The following EPM2A variants were observed in gnomAD, a reference collection of about 807,000 sequenced individuals.
The protein encoded by EPM2A is EPM2A glucan phosphatase, laforin.
In EPM2A, 21 loss-of-function variants were observed where a neutral mutation model predicts 26.5. That is an observed-to-expected ratio of 0.79 (90% CI 0.56 to 1.14). The LOEUF (loss-of-function observed/expected upper bound fraction) is 1.14. Ranked by LOEUF, EPM2A falls within the 50% of genes most tolerant of loss-of-function variation. The probability of loss-of-function intolerance (pLI) is 0.00; values close to 1 mark genes in which losing one functional copy is unlikely to be tolerated. For synonymous variants in EPM2A, 217 were observed against 177.6 expected (o/e 1.22, Z -1.76); for missense variants, 458 against 440.8 (o/e 1.04, Z -0.35).
intron 2 of EPM2A, among the ~76,000 whole-genome samples, chr6:145,513,421 G>C (rs187291259): frequency 9.8e-4 from 149 of 152,276 alleles, no homozygotes; most frequent in African/African-American, 3.4e-3. Flanking sequence ...TGAATGCAGA[G>C]AAAAGGGAAT....
At chr6:145,442,878 T>G (rs1487957152) in intron 4 of EPM2A, among the ~76,000 whole-genome samples, 1 of 142,566 alleles carries the variant, frequency 7.0e-6, no homozygotes, top group Non-Finnish European at 1.6e-5. Context: ...TTTTTTTTTT[T>G]GAGATGGTGT....
intron 4 of EPM2A, among the ~76,000 whole-genome samples, chr6:145,460,733 G>A (rs1388180260): frequency 6.6e-6 from 1 of 152,124 alleles, no homozygotes; most frequent in Non-Finnish European, 1.5e-5. Flanking sequence ...TGATTAGAAT[G>A]TTAGGATACA....
At chr6:145,688,622 A>G (rs1045158632) in intron 1 of EPM2A, among the ~76,000 whole-genome samples, 7 of 152,200 alleles carry the variant, frequency 4.6e-5, no homozygotes, top group African/African-American at 1.7e-4. Flanking sequence ...ATATATGAGT[A>G]ATTTGAGTGT....
chr6:145,681,828 A>G lies in EPM2A; in HGVS notation c.476+4294T>C, dbSNP rs117836774. 4.1e-3 allele frequency among the ~76,000 whole-genome samples: 628 copies of G among 152,296 alleles called. 18 individuals carry two copies. In the East Asian group the frequency reaches 0.07, roughly 17 times the overall value. ...ATGCATCTGAATATTGAGAAGTACC[A>G]GAATGTTCTCTTTTACATGACATGT... On this transcript the variant is annotated intron_variant, in intron 2 of 3. Transcript: ENST00000367519.
chr6:145,709,048 G>A (rs1782388475), intron 1 of EPM2A, among the ~76,000 whole-genome samples: 1 of 152,146 alleles, frequency 6.6e-6, no homozygotes, highest in African/African-American at 2.4e-5. Context: ...CTCCCATTTT[G>A]GACTGGTGTA....
rs1032929168 is a variant in EPM2A at position 145,449,931 on chromosome 6, TA to T, written c.555+52590del. ...TATATGAACAAAGACAATGGATATA[TA>T]AAAAGGAACTCAATTCCATAGTAAT... On this transcript the variant is annotated intron_variant, in intron 4 of 4. Coordinates refer to the EPM2A transcript ENST00000638717. Among the ~76,000 whole-genome samples the T allele has an allele frequency of 4.9e-4, 75 of 152,104 alleles. 1 individual carries two copies. The highest frequency in any genetic ancestry group is 1.7e-3 in the African/African-American group (71 of 41,520).
At chr6:145,682,019 C>G (rs1039516447) in intron 2 of EPM2A, among the ~76,000 whole-genome samples, 3 of 152,138 alleles carry the variant, frequency 2.0e-5, no homozygotes, top group African/African-American at 7.2e-5. Context: ...TATATGTACA[C>G]TTGCTATTTG....
chr6:145,409,591 A>T (rs1582733173), intron 4 of EPM2A, among the ~76,000 whole-genome samples: 1 of 152,292 alleles, frequency 6.6e-6, no homozygotes, highest in East Asian at 1.9e-4. Flanking sequence ...TTTTCTATTA[A>T]TTATTTAAAG....
chr6:145,564,823 C>T (rs570768222), intron 2 of EPM2A, among the ~76,000 whole-genome samples: 1 of 151,912 alleles, frequency 6.6e-6, no homozygotes, highest in South Asian at 2.1e-4. Flanking sequence ...GTAGTAGACA[C>T]TGACATAAAC....
chr6:145,568,017 T>C (rs538243944), intron 2 of EPM2A, among the ~76,000 whole-genome samples: 66 of 152,202 alleles, frequency 4.3e-4, no homozygotes, highest in Non-Finnish European at 9.0e-4. Flanking sequence ...TTCATCCTCA[T>C]ATCTCCAGAC....
At chr6:145,599,778 G>T (rs933153970) in intron 2 of EPM2A, among the ~76,000 whole-genome samples, 1 of 151,868 alleles carries the variant, frequency 6.6e-6, no homozygotes, top group African/African-American at 2.4e-5. Flanking sequence ...AATTGAGTGG[G>T]TAAATTTCTT....
chr6:145,626,061 G>T lies in EPM2A; in HGVS notation c.*1355C>A, dbSNP rs1775789919. 16 of 1,130,274 alleles carry T rather than the reference G, an allele frequency of 1.4e-5. No individual in the cohort carries two copies. The South Asian group carries it at 4.6e-4, about 32-fold the overall frequency. The allele number at this position is 1,130,274 out of a possible 1,614,324, so 70.0% of individuals were successfully genotyped here. Reference sequence around the variant, plus strand: ...GGAGATAATGAGACCTTCTTCATTGGATATTGTGAAGATTAAACTGGATAT... The same window carrying T: ...GGAGATAATGAGACCTTCTTCATTGTATATTGTGAAGATTAAACTGGATAT... On this transcript the variant is annotated 3_prime_UTR_variant, in exon 4 of 4. Coordinates refer to ENST00000367519, the MANE Select transcript of EPM2A (RefSeq NM_005670.4).
intron 2 of EPM2A, among the ~76,000 whole-genome samples, chr6:145,612,746 GTATATATGTATTTTATATA>G (rs1775419526): frequency 6.8e-6 from 1 of 147,126 alleles, no homozygotes; most frequent in Admixed American, 6.8e-5. Flanking sequence ...TTATATATAG[GTATATATGTATTTTATATA>G]TATATATATA....
intron 2 of EPM2A, among the ~76,000 whole-genome samples, chr6:145,679,570 A>C (rs1363037584): frequency 6.6e-6 from 1 of 152,136 alleles, no homozygotes; most frequent in East Asian, 1.9e-4. Flanking sequence ...AAATAATTGA[A>C]GAAATTTACT....
intron 2 of EPM2A, among the ~76,000 whole-genome samples, chr6:145,543,215 T>C (rs1015271163): frequency 2.6e-5 from 4 of 152,234 alleles, no homozygotes; most frequent in African/African-American, 9.6e-5. Context: ...GATGCTCTTT[T>C]TTTTTCTTAA....
chr6:145,663,117 GT>G (rs1481356639), intron 2 of EPM2A, among the ~76,000 whole-genome samples: 4 of 152,288 alleles, frequency 2.6e-5, no homozygotes, highest in African/African-American at 7.2e-5. Context: ...ACTCTGCACT[GT>G]AAAATCCTCT....
intron 2 of EPM2A, among the ~76,000 whole-genome samples, chr6:145,520,214 A>T: frequency 6.6e-6 from 1 of 152,280 alleles, no homozygotes; most frequent in Non-Finnish European, 1.5e-5. Flanking sequence ...ATCTTAAAAT[A>T]TCACTGTACT....
Position 145,626,526 on chromosome 6 carries a change from A to G in EPM2A, c.*890T>C. ...AATACTATTCTATGTCTCGCTATAG[A>G]AACTCCTGCAGGCATATTGACTATA... On this transcript the variant is annotated 3_prime_UTR_variant, in exon 4 of 4. Transcript: ENST00000367519. 1 of 985,902 alleles carries G rather than the reference A, an allele frequency of 1.0e-6. No homozygotes were observed. The highest frequency in any genetic ancestry group is 1.2e-6 in the Non-Finnish European group (1 of 829,936). 61.1% of individuals were successfully genotyped at this position (985,902 alleles called of 1,614,324 possible). A position where few individuals can be genotyped will look rare whatever the true frequency, so the allele number is the denominator to read the frequency against.
chr6:145,623,212 TACATTGC>T (rs1775674530), downstream of EPM2A, among the ~76,000 whole-genome samples: 1 of 152,250 alleles, frequency 6.6e-6, no homozygotes, highest in Admixed American at 6.5e-5. Flanking sequence ...CAGTGAAGCT[TACATTGC>T]AGTGACAGCA....
Sources: allele counts gnomAD v4.1 joint callset (sites outside exome capture counted in the v4.1 genomes callset), GRCh38; gene constraint gnomAD v4.1.1; transcripts MANE v1.5; gene names NCBI Gene and HGNC (gene_info 2026-07-23, HGNC 2026-07-21).